COL5A1: variants seen among roughly 807,000 people sequenced by gnomAD.
COL5A1 encodes the protein collagen type V alpha 1 chain.
COL5A1 carries 16 observed loss-of-function variants against 263.7 expected under a neutral mutation model. The observed-to-expected ratio is 0.06, with a 90% CI of 0.04 to 0.09. The LOEUF is 0.09. COL5A1 is among the 10% of genes least tolerant of loss of function. COL5A1 has a pLI of 1.00. For synonymous variants in COL5A1, 1,012 were observed against 1,004.5 expected (o/e 1.01, Z -0.14); for missense variants, 2,036 against 2,540.5 (o/e 0.80, Z 4.27).
intron 1 of COL5A1, among the ~76,000 whole-genome samples, chr9:134,654,608 TG>T (rs1831862637): frequency 9.5e-6 from 1 of 105,770 alleles, no homozygotes; most frequent in African/African-American, 3.8e-5. Flanking sequence ...TGTGTAGGGC[TG>T]AGGGTGTGTA....
In COL5A1 at chr9:134,824,840, C is replaced by T. The variant is rs895016721; in HGVS notation, c.4939C>T (p.Pro1647Ser). ...RTCKDLQLCH[P>S]DFPDGEYWVD... ...CTGCAAGGACCTGCAGCTCTGCCAC[C>T]CCGACTTCCCAGATGGTGAGGGCCT... is the stretch of plus-strand genomic sequence containing the variant. Residue 1647 changes from proline to serine, a missense_variant, in exon 62 of 66, where the codon CCC becomes TCC. Transcript: ENST00000371817. 6.2e-7 allele frequency: 1 copy of T among 1,612,726 alleles called. No homozygotes were observed. Among genetic ancestry groups the T allele is most frequent in the African/African-American group, 1.3e-5 (1 of 74,924 alleles).
At chr9:134,801,852 G>T in intron 37 of COL5A1, 102 bp from the exon 38 acceptor site, 4 of 1,020,728 alleles carry the variant, frequency 3.9e-6, no homozygotes, top group Middle Eastern at 2.0e-4. Context: ...ATCTACTCTG[G>T]GGGGAAGGGA....
At chr9:134,658,384 G>A (rs1466385333) in intron 1 of COL5A1, among the ~76,000 whole-genome samples, 4 of 152,172 alleles carry the variant, frequency 2.6e-5, no homozygotes, top group Non-Finnish European at 5.9e-5. Flanking sequence ...TTTTCTGGCT[G>A]CCCGGGTCTC....
At chr9:134,837,019 A>G (rs564679828) in intron 65 of COL5A1, among the ~76,000 whole-genome samples, 2 of 152,294 alleles carry the variant, frequency 1.3e-5, no homozygotes, top group Admixed American at 1.3e-4. Context: ...TGAGTATAAC[A>G]TAGCACCTGC....
At chr9:134,785,937 G>T (rs1386900125) in intron 30 of COL5A1, 58 bp from the exon 31 acceptor site, 3 of 1,505,462 alleles carry the variant, frequency 2.0e-6, no homozygotes, top group Middle Eastern at 1.7e-4. Flanking sequence ...TCTCTGCTCC[G>T]GGGAAACGGA....
At chr9:134,694,621 T>G (rs754654688) in intron 2 of COL5A1, among the ~76,000 whole-genome samples, 18 of 152,180 alleles carry the variant, frequency 1.2e-4, no homozygotes, top group Non-Finnish European at 1.9e-4. Flanking sequence ...CCCAGCAGTC[T>G]GGGTTCTGGG....
rs758857820 is a variant in COL5A1, at chr9:134,681,501, C to T, written c.110-9411C>T. 3.9e-5 allele frequency among the ~76,000 whole-genome samples: 6 copies of T among 152,146 alleles called. No individual in the cohort carries two copies. Among genetic ancestry groups the T allele is most frequent in the Admixed American group, 2.0e-4 (3 of 15,274 alleles). ...CCAGTGATGGGGCCACGGGTGGGAC[C>T]GGAATGGAGGCTGCCAGCTGTGTCT... is the stretch of plus-strand genomic sequence containing the variant. On this transcript the variant is annotated intron_variant, in intron 1 of 65. Coordinates refer to ENST00000371817, the MANE Select transcript of COL5A1 (RefSeq NM_000093.5). The surrounding 1 kb of genome is among the most constrained non-coding windows in gnomAD (Gnocchi z 4.3).
intron 44 of COL5A1, among the ~76,000 whole-genome samples, chr9:134,811,053 C>G (rs1033915000): frequency 3.3e-5 from 5 of 152,136 alleles, no homozygotes; most frequent in Non-Finnish European, 7.4e-5. Context: ...CTCACGTGCC[C>G]CTGTTGTGGG....
rs991437404 is a variant in COL5A1 at position 134,699,618 on chromosome 9, C to G, written c.278-291C>G. Reference sequence around the variant, plus strand: ...GGTCAACACACAGATGTGTTAGGCGCAGGAGCTGAGGGCAGGGTGTTGAGG... The same window carrying G: ...GGTCAACACACAGATGTGTTAGGCGGAGGAGCTGAGGGCAGGGTGTTGAGG... On this transcript the variant is annotated intron_variant, in intron 2 of 65. Transcript: ENST00000371817. 2.6e-5 allele frequency among the ~76,000 whole-genome samples: 4 copies of G among 152,170 alleles called. No homozygotes were observed. In the East Asian group the frequency reaches 5.8e-4, roughly 22 times the overall value.
intron 53 of COL5A1, 53 bp downstream of exon 53, chr9:134,817,132 C>T: frequency 6.7e-7 from 1 of 1,489,858 alleles, no homozygotes; most frequent in Non-Finnish European, 9.4e-7. Context: ...ATGAAACACC[C>T]CCGCCCCTCC....
chr9:134,667,303 C>A (rs988971216), intron 1 of COL5A1, among the ~76,000 whole-genome samples: 4 of 152,232 alleles, frequency 2.6e-5, no homozygotes, highest in African/African-American at 9.6e-5. Flanking sequence ...CTGGTGGGCA[C>A]TGGAGGTTTG....
In COL5A1 at chr9:134,690,850, G is replaced by A. The variant is rs1428405552; in HGVS notation, c.110-62G>A. On this transcript the variant is annotated intron_variant, in intron 1 of 65. Coordinates refer to ENST00000371817, the MANE Select transcript of COL5A1 (RefSeq NM_000093.5). Reference sequence around the variant, plus strand: ...GGTGCTTCCTGTCATCCCAGCTTCCGGGTGTTCCCAGGTGCTCCTTTCCTC... The same window carrying A: ...GGTGCTTCCTGTCATCCCAGCTTCCAGGTGTTCCCAGGTGCTCCTTTCCTC... 16 of 1,598,738 alleles carry A rather than the reference G, an allele frequency of 1.0e-5. No individual in the cohort carries two copies. In the East Asian group the frequency reaches 1.1e-4, roughly 11 times the overall value.
At chr9:134,802,780 G>A in intron 38 of COL5A1, 108 bp from the exon 39 acceptor site, 1 of 847,220 alleles carries the variant, frequency 1.2e-6, no homozygotes, top group Non-Finnish European at 2.0e-6. Flanking sequence ...TGTGCCCGCA[G>A]CAGACCTTTG....
rs1839016686 is a variant in COL5A1, at chr9:134,821,884, C to T, written c.4555-213C>T. On this transcript the variant is annotated intron_variant, in intron 58 of 65. Coordinates refer to ENST00000371817, the MANE Select transcript of COL5A1 (RefSeq NM_000093.5). This position sits in a 1 kb window ranked among gnomAD's most constrained non-coding sequence, Gnocchi z 4.2. ...CCAGCCGGGGGAGCAGTGCCGAGGG[C>T]TGGCAGCCTTGGGGTGGATGCTCAG... 6.6e-6 allele frequency among the ~76,000 whole-genome samples: 1 copy of T among 152,218 alleles called. No homozygotes were observed. Among genetic ancestry groups the T allele is most frequent in the South Asian group, 2.1e-4 (1 of 4,832 alleles).
At chr9:134,784,533 C>T (rs1452659012) in intron 29 of COL5A1, among the ~76,000 whole-genome samples, 4 of 152,242 alleles carry the variant, frequency 2.6e-5, no homozygotes, top group Non-Finnish European at 5.9e-5. Context: ...GCTCGTTATG[C>T]CCAGGTAACT....
intron 65 of COL5A1, among the ~76,000 whole-genome samples, chr9:134,839,143 G>A (rs751977090): frequency 2.0e-5 from 3 of 152,234 alleles, no homozygotes; most frequent in Admixed American, 6.5e-5. Context: ...CGCGGGCATC[G>A]TTTGGCTGGG....
chr9:134,700,273 C>A lies in COL5A1; in HGVS notation c.491+151C>A. The A allele has an allele frequency of 1.3e-6, 1 of 745,782 alleles. No homozygotes were observed. Among genetic ancestry groups the A allele is most frequent in the Non-Finnish European group, 2.2e-6 (1 of 457,774 alleles). 46.2% of individuals were successfully genotyped at this position (745,782 alleles called of 1,614,324 possible). ...CCGCAGCAGAGGAGAGGGTGCTGGGCTTGGAGTCCTGAAACCTGGGTTATG... is the reference window on the plus strand; with the variant it reads ...CCGCAGCAGAGGAGAGGGTGCTGGGATTGGAGTCCTGAAACCTGGGTTATG... On this transcript the variant is annotated intron_variant, in intron 3 of 65. Coordinates refer to ENST00000371817, the MANE Select transcript of COL5A1 (RefSeq NM_000093.5). The surrounding 1 kb of genome is among the most constrained non-coding windows in gnomAD (Gnocchi z 4.0).
intron 3 of COL5A1, 25 bp from the exon 4 acceptor site, chr9:134,701,146 G>A (rs759202886): frequency 6.2e-7 from 1 of 1,613,290 alleles, no homozygotes; most frequent in Non-Finnish European, 8.5e-7. Flanking sequence ...TCCAAGCCCT[G>A]TCTTCACCAT....
chr9:134,705,078 A>G (rs1336107612), intron 4 of COL5A1, among the ~76,000 whole-genome samples: 1 of 152,182 alleles, frequency 6.6e-6, no homozygotes, highest in Admixed American at 6.5e-5. Flanking sequence ...TTCAAAGCCA[A>G]TCTGTTCTGT....
Sources: gnomAD v4.1 joint callset for allele counts (sites outside exome capture counted in the v4.1 genomes callset) on GRCh38, gnomAD v4.1.1 for gene constraint, Gnocchi (gnomAD v3.1) non-coding constraint, MANE v1.5 for transcripts, NCBI Gene and HGNC (gene_info 2026-07-23, HGNC 2026-07-21) for gene names.